The following HSD17B14 variants were observed in gnomAD, a reference collection of about 807,000 sequenced individuals.
HSD17B14 encodes the protein L-fucose dehydrogenase.
In HSD17B14, 32 loss-of-function variants were observed where a neutral mutation model predicts 32.2. That is an observed-to-expected ratio of 0.99 (90% CI 0.75 to 1.33). The LOEUF (loss-of-function observed/expected upper bound fraction) is 1.33. HSD17B14 is among the 40% of genes most tolerant of loss of function. The pLI, the probability that HSD17B14 is intolerant of heterozygous loss-of-function variation, is 0.00. For missense variants in HSD17B14, 370 were observed against 366.5 expected, an observed-to-expected ratio of 1.01 and a Z score of -0.08; for synonymous variants, 140 against 155.4, an observed-to-expected ratio of 0.90 and a Z score of 0.74.
intron 8 of HSD17B14, 42 bp from the exon 9 acceptor site, chr19:48,813,390 A>C: frequency 6.4e-7 from 1 of 1,553,966 alleles, no homozygotes. Context: ...GAGGAGCCCC[A>C]CTTGATCGCC....
chr19:48,831,632 C>T, intron 5 of HSD17B14, 36 bp downstream of exon 5: 2 of 1,420,310 alleles, frequency 1.4e-6, no homozygotes, highest in Non-Finnish European at 2.0e-6. Flanking sequence ...TATCAGGAGG[C>T]TGCTCGGGCC....
chr19:48,813,833 A>C, intron 6 of HSD17B14, 103 bp from the exon 7 acceptor site: 1 of 1,302,550 alleles, frequency 7.7e-7, no homozygotes, highest in Non-Finnish European at 1.1e-6. Flanking sequence ...TGGGGAAGTC[A>C]TGCCCTCCTT....
chr19:48,831,724 G>A lies in HSD17B14; in HGVS notation c.313C>T (p.Gln105Ter). Residue 105 changes from glutamine to a stop codon, truncating the protein, a stop_gained, in exon 5 of 9, where the codon CAG (glutamine) becomes TAG (stop). Transcript: ENST00000263278. LOFTEE classifies it high-confidence loss of function. ...PPQRPEETSA[Q>*]GFRQLLELNL... ...AGCTCCAGCAGCTGGCGGAATCCCT[G>A]GGCAGAGGTCTCCTCAGGCCTCTGT... 1.2e-6 allele frequency: 2 copies of A among 1,613,660 alleles called. No individual in the cohort carries two copies. Among genetic ancestry groups the A allele is most frequent in the South Asian group, 2.2e-5 (2 of 91,058 alleles).
At chr19:48,834,251 G>C (rs1007477883) in intron 3 of HSD17B14, 25 bp downstream of exon 3, 1 of 1,583,178 alleles carries the variant, frequency 6.3e-7, no homozygotes, top group African/African-American at 1.3e-5. Context: ...GCGGAGATGG[G>C]GGTAGGAACA....
At chr19:48,813,375 GTC>G (rs1568515576) in intron 8 of HSD17B14, 27 bp from the exon 9 acceptor site, 1 of 1,557,608 alleles carries the variant, frequency 6.4e-7, no homozygotes, top group Admixed American at 1.9e-5. Context: ...GGGGAAGGAG[GTC>G]AAGAGGAGCC....
chr19:48,829,358 T>TTA (rs935809745), intron 5 of HSD17B14, among the ~76,000 whole-genome samples: 74 of 151,260 alleles, frequency 4.9e-4, no homozygotes, highest in African/African-American at 1.8e-3. Flanking sequence ...AGCTAATTTT[T>TTA]TTTTTTTTTC....
intron 5 of HSD17B14, among the ~76,000 whole-genome samples, chr19:48,826,540 T>TACACAC (rs1464692772): frequency 2.1e-5 from 2 of 93,442 alleles, no homozygotes; most frequent in African/African-American, 1.2e-4. Context: ...TATATATATA[T>TACACAC]ATACACACAC....
chr19:48,822,861 G>A (rs1350829985), intron 5 of HSD17B14, among the ~76,000 whole-genome samples: 2 of 151,880 alleles, frequency 1.3e-5, no homozygotes, highest in Non-Finnish European at 2.9e-5. Flanking sequence ...GGTGATGGTG[G>A]TGATGGTGAA....
At chr19:48,820,265 A>G (rs1393368344) in intron 5 of HSD17B14, among the ~76,000 whole-genome samples, 30 of 152,108 alleles carry the variant, frequency 2.0e-4, no homozygotes, top group South Asian at 6.2e-4. Flanking sequence ...CCTAAGGTCA[A>G]GAGTTCGAGA....
chr19:48,834,775 G>A (rs1599846743), intron 2 of HSD17B14, among the ~76,000 whole-genome samples: 3 of 111,480 alleles, frequency 2.7e-5, no homozygotes, highest in Admixed American at 1.7e-4. Flanking sequence ...GTCTGAGGGA[G>A]GAGGGGCTGG....
At chr19:48,826,542 TACACAC>T (rs374655614) in intron 5 of HSD17B14, among the ~76,000 whole-genome samples, 6 of 80,118 alleles carry the variant, frequency 7.5e-5, no homozygotes, top group African/African-American at 2.6e-4. Context: ...TATATATATA[TACACAC>T]ACACACACAC....
intron 5 of HSD17B14, among the ~76,000 whole-genome samples, chr19:48,819,090 G>T (rs970934750): frequency 5.3e-5 from 8 of 152,182 alleles, no homozygotes; most frequent in African/African-American, 1.4e-4. Context: ...CCAGGTTCAA[G>T]CAATTCTTCT....
intron 4 of HSD17B14, among the ~76,000 whole-genome samples, chr19:48,832,358 G>A (rs917590758): frequency 2.0e-5 from 3 of 151,674 alleles, no homozygotes; most frequent in Admixed American, 6.6e-5. Flanking sequence ...CAGCCTGGAC[G>A]ACAGAGTGCG....
chr19:48,832,623 G>T lies in HSD17B14; in HGVS notation c.277+43C>A, dbSNP rs539969933. ...AACTGACGTGCAGGAAACAGAGTTG[G>T]GGGGCAGGAGGTGGAGAATGGCCCT... On this transcript the variant is annotated intron_variant, in intron 4 of 8. Transcript: ENST00000263278. 1.0e-5 allele frequency: 16 copies of T among 1,545,098 alleles called. No homozygotes were observed. In the East Asian group the frequency reaches 3.6e-4, roughly 35 times the overall value.
chr19:48,821,649 T>C (rs535123915), intron 5 of HSD17B14, among the ~76,000 whole-genome samples: 2 of 151,056 alleles, frequency 1.3e-5, no homozygotes, highest in Admixed American at 1.3e-4. Flanking sequence ...GTGATGGTGA[T>C]GATGGTGATG....
chr19:48,832,889 G>A (rs987663144), intron 3 of HSD17B14, 157 bp from the exon 4 acceptor site: 2 of 642,220 alleles, frequency 3.1e-6, no homozygotes, highest in Non-Finnish European at 5.5e-6. Flanking sequence ...AAGTAGCTGG[G>A]ATTACAGGCG....
At chr19:48,828,020 A>C (rs368771425) in intron 5 of HSD17B14, among the ~76,000 whole-genome samples, 15 of 151,728 alleles carry the variant, frequency 9.9e-5, no homozygotes, top group Admixed American at 2.6e-4. Flanking sequence ...GCGCCCAGCT[A>C]ATTTTTTGTA....
intron 3 of HSD17B14, among the ~76,000 whole-genome samples, chr19:48,833,274 G>A (rs1229268178): frequency 6.6e-6 from 1 of 151,684 alleles, no homozygotes; most frequent in Non-Finnish European, 1.5e-5. Flanking sequence ...GGGTCAGGGG[G>A]TGGGGCAGGG....
chr19:48,834,215 G>T, intron 3 of HSD17B14, 61 bp downstream of exon 3: 1 of 1,361,532 alleles, frequency 7.3e-7, no homozygotes, highest in Non-Finnish European at 1.0e-6. Context: ...GCAAATGGCT[G>T]GAGGAGAACA....
Sources: allele counts gnomAD v4.1 joint callset (sites outside exome capture counted in the v4.1 genomes callset), GRCh38; gene constraint gnomAD v4.1.1; transcripts MANE v1.5; gene names NCBI Gene and HGNC (gene_info 2026-07-23, HGNC 2026-07-21).